Variants in INTS4 observed in about 807,000 individuals in gnomAD.
INTS4 encodes the protein integrator complex subunit 4.
In INTS4, 70 loss-of-function variants were observed where a neutral mutation model predicts 119.5. The observed-to-expected ratio is 0.59, with a 90% CI of 0.48 to 0.71. The LOEUF (loss-of-function observed/expected upper bound fraction) is 0.71, where lower values mean the gene tolerates loss of function less well. INTS4 is among the 30% of genes least tolerant of loss of function. The pLI is 0.00. For synonymous variants in INTS4, 316 were observed against 419.6 expected, an observed-to-expected ratio of 0.75 and a Z score of 3.02; for missense variants, 867 against 1,173.2, an observed-to-expected ratio of 0.74 and a Z score of 3.81.
intron 8 of INTS4, among the ~76,000 whole-genome samples, chr11:77,944,130 T>A (rs1275873963): frequency 1.3e-5 from 2 of 152,190 alleles, no homozygotes; most frequent in Non-Finnish European, 2.9e-5. Flanking sequence ...AGCTAACCTC[T>A]TTTACATGGT....
At position 77,951,378 on chromosome 11, in the gene INTS4, T is replaced by C. The variant is rs551692018; in HGVS notation, c.918+4564A>G. Among the ~76,000 whole-genome samples the C allele has an allele frequency of 2.5e-3, 375 of 151,422 alleles. 1 individual carries two copies. Among genetic ancestry groups the C allele is most frequent in the Middle Eastern group, 6.8e-3 (2 of 292 alleles). ...ATGCCGCATATCTACAACCATCTGA[T>C]CTTTGACAAATCTGACAAAAACAAG... On this transcript the variant is annotated intron_variant, in intron 8 of 22. Coordinates refer to ENST00000534064, the MANE Select transcript of INTS4 (RefSeq NM_033547.4).
intron 14 of INTS4, among the ~76,000 whole-genome samples, chr11:77,919,389 C>G (rs758536804): frequency 6.6e-6 from 1 of 151,928 alleles, no homozygotes; most frequent in Non-Finnish European, 1.5e-5. Context: ...CAGGTTCAAG[C>G]GATTCTCTTG....
At chr11:77,963,205 C>T (rs143696206) in intron 4 of INTS4, among the ~76,000 whole-genome samples, 533 of 152,110 alleles carry the variant, frequency 3.5e-3, no homozygotes, top group Non-Finnish European at 5.4e-3. Flanking sequence ...TTACTGCACA[C>T]TGAATCTTAG....
At chr11:77,956,282 G>A (rs1039333596) in intron 7 of INTS4, among the ~76,000 whole-genome samples, 1 of 152,140 alleles carries the variant, frequency 6.6e-6, no homozygotes, top group Non-Finnish European at 1.5e-5. Flanking sequence ...GTGGTGGCAT[G>A]CGCTGATAGT....
intron 8 of INTS4, among the ~76,000 whole-genome samples, chr11:77,955,608 G>A (rs1954300162): frequency 6.6e-6 from 1 of 151,302 alleles, no homozygotes; most frequent in Non-Finnish European, 1.5e-5. Context: ...CGATTCTCCT[G>A]CCTCAGCCTC....
chr11:77,977,791 C>T (rs1443004844), intron 4 of INTS4: 1 of 151,638 alleles, frequency 6.6e-6, no homozygotes, highest in Non-Finnish European at 1.5e-5. Context: ...CTCTCAGAAG[C>T]AAACTTCACA....
intron 2 of INTS4, among the ~76,000 whole-genome samples, chr11:77,990,315 C>T (rs1856624382): frequency 6.6e-6 from 1 of 152,010 alleles, no homozygotes; most frequent in Non-Finnish European, 1.5e-5. Context: ...CACTTAAGCC[C>T]AGGAGTTCCA....
intron 7 of INTS4, 43 bp from the exon 8 acceptor site, chr11:77,956,105 T>C (rs1400091955): frequency 1.3e-6 from 2 of 1,557,272 alleles, no homozygotes; most frequent in Admixed American, 4.0e-5. Flanking sequence ...GAACAAAACA[T>C]GAACCTAAGT....
chr11:77,986,788 G>A (rs570318058), intron 2 of INTS4, among the ~76,000 whole-genome samples: 91 of 150,634 alleles, frequency 6.0e-4, no homozygotes, highest in African/African-American at 2.2e-3. Flanking sequence ...ATTGAACAGT[G>A]AGAACACTTG....
At chr11:77,894,860 A>G (rs936093261) in intron 18 of INTS4, among the ~76,000 whole-genome samples, 8 of 152,200 alleles carry the variant, frequency 5.3e-5, no homozygotes, top group African/African-American at 1.7e-4. Context: ...CAGCCATTGT[A>G]TCGGCATCTG....
intron 21 of INTS4, among the ~76,000 whole-genome samples, chr11:77,888,928 C>G (rs952592993): frequency 4.5e-4 from 68 of 152,224 alleles, no homozygotes; most frequent in Middle Eastern, 3.4e-3. Flanking sequence ...GGAATCAACA[C>G]GTGCTGGAGA....
intron 21 of INTS4, among the ~76,000 whole-genome samples, chr11:77,885,961 G>T (rs139635463): frequency 1.3e-5 from 2 of 152,116 alleles, no homozygotes; most frequent in African/African-American, 2.4e-5. Flanking sequence ...AGCATTTTGC[G>T]GGGCTGAGGC....
rs77714576 is a variant in INTS4, at chr11:77,889,682, A to T, written c.2592+1637T>A. On this transcript the variant is annotated intron_variant, in intron 21 of 22. Transcript: ENST00000534064. ...CATGTTTACTGCTATATCTCTATTG[A>T]GCACCTGAAGTAGTGCCTGGAACAG... Among the ~76,000 whole-genome samples, 1,227 of 152,292 alleles carry T rather than the reference A, an allele frequency of 8.1e-3. 18 individuals carry two copies. Among genetic ancestry groups the T allele is most frequent in the African/African-American group, 0.029 (1,195 of 41,542 alleles).
At chr11:77,948,654 CAAA>C (rs138277574) in intron 8 of INTS4, among the ~76,000 whole-genome samples, 10 of 91,378 alleles carry the variant, frequency 1.1e-4, no homozygotes, top group African/African-American at 2.0e-4. Flanking sequence ...CTCAAAGAAA[CAAA>C]AAAAAAAAAA....
At chr11:77,881,104 G>C (rs1951776079) in intron 22 of INTS4, among the ~76,000 whole-genome samples, 2 of 152,164 alleles carry the variant, frequency 1.3e-5, no homozygotes, top group African/African-American at 4.8e-5. Context: ...AAAACAAGAA[G>C]GAGGGGAACT....
chr11:77,911,450 T>C (rs1953086931), intron 15 of INTS4, among the ~76,000 whole-genome samples: 1 of 152,234 alleles, frequency 6.6e-6, no homozygotes, highest in African/African-American at 2.4e-5. Context: ...GATTCTGCCT[T>C]CTATGACAAT....
At chr11:77,908,616 C>T (rs1255402041) in intron 15 of INTS4, among the ~76,000 whole-genome samples, 2 of 152,098 alleles carry the variant, frequency 1.3e-5, no homozygotes, top group African/African-American at 2.4e-5. Context: ...CGTGAGCCAC[C>T]GCCCCCGGCC....
At chr11:77,883,694 T>G in intron 22 of INTS4, 138 bp downstream of exon 22, 2 of 929,794 alleles carry the variant, frequency 2.2e-6, no homozygotes, top group South Asian at 3.5e-5. Flanking sequence ...AATGAGTGCT[T>G]ATAAACTCAT....
rs568321307 is a variant in INTS4 at position 77,943,297 on chromosome 11, CT to C, written c.919-2047del. Among the ~76,000 whole-genome samples the C allele has an allele frequency of 7.2e-5, 11 of 152,250 alleles. No homozygotes were observed. In the South Asian group the frequency reaches 2.3e-3, roughly 32 times the overall value. On this transcript the variant is annotated intron_variant, in intron 8 of 22. Coordinates refer to ENST00000534064, the MANE Select transcript of INTS4 (RefSeq NM_033547.4). ...CAATGTCACCTAAGAATAGGTGAAG[CT>C]TTCCATTTTAAGTCCACAAACACAG... is the stretch of plus-strand genomic sequence containing the variant.
Sources: gnomAD v4.1 joint callset for allele counts (sites outside exome capture counted in the v4.1 genomes callset) on GRCh38, gnomAD v4.1.1 for gene constraint, MANE v1.5 for transcripts, NCBI Gene and HGNC (gene_info 2026-07-23, HGNC 2026-07-21) for gene names.